Variants in NSMCE2 observed in about 807,000 individuals in gnomAD.
NSMCE2 encodes the protein E3 SUMO-protein ligase NSE2.
NSMCE2 carries 24 observed loss-of-function variants against 23.8 expected under a neutral mutation model. That is an observed-to-expected ratio of 1.01 (90% CI 0.73 to 1.42). NSMCE2 has a LOEUF of 1.42. Among genes scored for constraint, NSMCE2 ranks in the 40% most tolerant of loss-of-function variants. NSMCE2 has a pLI of 0.00. For missense variants in NSMCE2, 284 were observed against 296.5 expected, an observed-to-expected ratio of 0.96 and a Z score of 0.31; for synonymous variants, 92 against 94.1, an observed-to-expected ratio of 0.98 and a Z score of 0.13.
At chr8:125,167,175 A>G (rs1335564646) in intron 4 of NSMCE2, among the ~76,000 whole-genome samples, 2 of 152,338 alleles carry the variant, frequency 1.3e-5, no homozygotes, top group Middle Eastern at 3.4e-3. Context: ...CTTTACCACC[A>G]GATAAGCTTT....
chr8:125,276,586 G>C (rs116790770), intron 5 of NSMCE2, among the ~76,000 whole-genome samples: 1 of 151,552 alleles, frequency 6.6e-6, no homozygotes, highest in African/African-American at 2.4e-5. Context: ...TATTATATCT[G>C]ATTGTATATA....
At chr8:125,297,125 C>A (rs1219920986) in intron 5 of NSMCE2, among the ~76,000 whole-genome samples, 1 of 152,182 alleles carries the variant, frequency 6.6e-6, no homozygotes, top group Non-Finnish European at 1.5e-5. Context: ...ACATCTCTGT[C>A]ATAATCACAC....
At chr8:125,201,616 G>C (rs1231543599) in intron 5 of NSMCE2, among the ~76,000 whole-genome samples, 1 of 152,204 alleles carries the variant, frequency 6.6e-6, no homozygotes, top group East Asian at 1.9e-4. Context: ...GTCCCTACTG[G>C]GAGTTGTCTT....
intron 3 of NSMCE2, among the ~76,000 whole-genome samples, chr8:125,119,866 A>T (rs1563661646): frequency 6.7e-6 from 1 of 150,126 alleles, no homozygotes; most frequent in African/African-American, 2.5e-5. Flanking sequence ...AAATGAAATT[A>T]TTTGTTATAT....
intron 3 of NSMCE2, among the ~76,000 whole-genome samples, chr8:125,111,014 T>C (rs10112583): frequency 0.12 from 18,437 of 152,090 alleles, 1,439 homozygotes; most frequent in Middle Eastern, 0.29. Flanking sequence ...TCTTTGCAGC[T>C]GGTTACAGTC....
intron 4 of NSMCE2, among the ~76,000 whole-genome samples, chr8:125,168,631 T>C (rs1415849946): frequency 1.3e-5 from 2 of 152,206 alleles, no homozygotes; most frequent in African/African-American, 2.4e-5. Flanking sequence ...GGGCCTCTTT[T>C]ATGATGGCAC....
rs938899358 is a variant in NSMCE2 at position 125,205,447 on chromosome 8, G to C, written c.418+23191G>C. Reference sequence around the variant, plus strand: ...TCTAATATTTGACATGCATTATACTGTCCCTTATCCATCAGTAAAATGTTC... The same window carrying C: ...TCTAATATTTGACATGCATTATACTCTCCCTTATCCATCAGTAAAATGTTC... On this transcript the variant is annotated intron_variant, in intron 5 of 7. Transcript: ENST00000287437. Among the ~76,000 whole-genome samples, 3 of 152,148 alleles carry C rather than the reference G, an allele frequency of 2.0e-5. No homozygotes were observed. The East Asian group carries it at 5.8e-4, about 29-fold the overall frequency.
intron 5 of NSMCE2, among the ~76,000 whole-genome samples, chr8:125,333,050 G>T (rs1481844488): frequency 6.6e-6 from 1 of 152,148 alleles, no homozygotes; most frequent in East Asian, 1.9e-4. Context: ...TGTTGCCAGT[G>T]AGCTTCGTTC....
chr8:125,163,527 A>G (rs528155281), intron 4 of NSMCE2, among the ~76,000 whole-genome samples: 43 of 152,332 alleles, frequency 2.8e-4, no homozygotes, highest in African/African-American at 9.9e-4. Flanking sequence ...CATTTCTAAA[A>G]TGGGGTAATA....
chr8:125,247,758 A>T (rs551818843), intron 5 of NSMCE2, among the ~76,000 whole-genome samples: 80 of 152,190 alleles, frequency 5.3e-4, no homozygotes, highest in African/African-American at 1.9e-3. Flanking sequence ...TCACTAATGT[A>T]GCATTTGTTC....
At chr8:125,125,464 AG>A (rs1563665292) in intron 3 of NSMCE2, among the ~76,000 whole-genome samples, 1 of 152,240 alleles carries the variant, frequency 6.6e-6, no homozygotes, top group African/African-American at 2.4e-5. Context: ...TAACTGGCAC[AG>A]AACATGAATA....
At chr8:125,120,413 A>G (rs1209323974) in intron 3 of NSMCE2, among the ~76,000 whole-genome samples, 1 of 152,216 alleles carries the variant, frequency 6.6e-6, no homozygotes, top group Non-Finnish European at 1.5e-5. Flanking sequence ...TGGTATTTTA[A>G]TACATAAAAT....
chr8:125,169,109 T>C (rs879334357), intron 4 of NSMCE2, among the ~76,000 whole-genome samples: 1 of 152,184 alleles, frequency 6.6e-6, no homozygotes, highest in Admixed American at 6.5e-5. Context: ...GAATTTTTAT[T>C]TTCCCCTGAC....
chr8:125,293,101 A>G (rs976656794), intron 5 of NSMCE2, among the ~76,000 whole-genome samples: 3 of 152,212 alleles, frequency 2.0e-5, no homozygotes, highest in African/African-American at 4.8e-5. Context: ...GGATTCTGCA[A>G]ATTTAATTAT....
intron 5 of NSMCE2, among the ~76,000 whole-genome samples, chr8:125,221,220 C>T (rs1334793016): frequency 6.6e-6 from 1 of 152,156 alleles, no homozygotes; most frequent in African/African-American, 2.4e-5. Flanking sequence ...AGCCCAGTAC[C>T]CACTGTGTTA....
At chr8:125,350,604 G>A (rs1484042891) in intron 5 of NSMCE2, among the ~76,000 whole-genome samples, 1 of 152,182 alleles carries the variant, frequency 6.6e-6, no homozygotes, top group East Asian at 1.9e-4. Flanking sequence ...CAGAAGACAA[G>A]GAAGAGCAAG....
chr8:125,309,461 G>T (rs1828893409), intron 5 of NSMCE2, among the ~76,000 whole-genome samples: 1 of 152,156 alleles, frequency 6.6e-6, no homozygotes, highest in African/African-American at 2.4e-5. Flanking sequence ...AGTGGCTTAT[G>T]CCTGTAATCC....
intron 5 of NSMCE2, among the ~76,000 whole-genome samples, chr8:125,219,587 T>C (rs1327191794): frequency 6.6e-6 from 1 of 152,244 alleles, no homozygotes; most frequent in Non-Finnish European, 1.5e-5. Flanking sequence ...TGCAACGATA[T>C]TAAATAGAGT....
intron 5 of NSMCE2, among the ~76,000 whole-genome samples, chr8:125,235,184 TG>T: frequency 6.6e-6 from 1 of 151,270 alleles, no homozygotes; most frequent in East Asian, 1.9e-4. Context: ...GAGGTTGCAG[TG>T]AGCCAAGGTC....
Sources: allele counts gnomAD v4.1 joint callset (sites outside exome capture counted in the v4.1 genomes callset), GRCh38; gene constraint gnomAD v4.1.1; transcripts MANE v1.5; gene names NCBI Gene and HGNC (gene_info 2026-07-23, HGNC 2026-07-21).